Variants in MOSMO observed in about 807,000 individuals in gnomAD.
MOSMO encodes modulator of smoothened protein.
A neutral mutation model predicts 18.4 loss-of-function variants in MOSMO; 5 were observed. The ratio of observed to expected loss-of-function variants is 0.27; its 90% CI spans 0.14 to 0.57. The LOEUF is 0.57. MOSMO is among the 20% of genes least tolerant of loss of function. The pLI is 0.92. For missense variants in MOSMO, 138 were observed against 211.8 expected, an observed-to-expected ratio of 0.65 and a Z score of 2.16; for synonymous variants, 82 against 82.3, an observed-to-expected ratio of 1.00 and a Z score of 0.02.
intron 1 of MOSMO, among the ~76,000 whole-genome samples, chr16:22,065,573 C>T (rs1430618309): frequency 6.6e-6 from 1 of 152,122 alleles, no homozygotes; most frequent in Non-Finnish European, 1.5e-5. Flanking sequence ...CATGAGTACA[C>T]TACTGTGTTA....
At position 22,008,342 on chromosome 16, in the gene MOSMO, C is replaced by T; in HGVS notation, c.41C>T (p.Ala14Val). The T allele has an allele frequency of 6.5e-7, 1 of 1,533,704 alleles. No individual in the cohort carries two copies. Among genetic ancestry groups the T allele is most frequent in the Non-Finnish European group, 8.7e-7 (1 of 1,145,952 alleles). ...ATCATCTCAGGATGTCTCTTTCTGG[C>T]CGCCGATATCTTCGCCATCGCCAGC... Reference protein sequence around the residue: ...LTIISGCLFLAADIFAIASIA... With the variant: ...LTIISGCLFLVADIFAIASIA... Residue 14 changes from alanine (A) to valine (V), a missense_variant, in exon 1 of 3, where the codon GCC (alanine) becomes GTC (valine). Transcript: ENST00000542527.
downstream of MOSMO, among the ~76,000 whole-genome samples, chr16:22,091,928 G>A (rs1337548049): frequency 6.6e-6 from 1 of 152,176 alleles, no homozygotes; most frequent in African/African-American, 2.4e-5. Flanking sequence ...TGGGGCCATT[G>A]TTAAAAAGTC....
At chr16:22,030,238 G>A (rs1328971678) in intron 1 of MOSMO, among the ~76,000 whole-genome samples, 1 of 152,096 alleles carries the variant, frequency 6.6e-6, no homozygotes, top group Non-Finnish European at 1.5e-5. Flanking sequence ...TCTGGGGTCT[G>A]ACTCTGCAGG....
chr16:22,064,745 T>C (rs1289085238), intron 1 of MOSMO, among the ~76,000 whole-genome samples: 1 of 152,200 alleles, frequency 6.6e-6, no homozygotes, highest in Non-Finnish European at 1.5e-5. Context: ...TTCTTTTTTT[T>C]TCCAAAGACA....
chr16:22,042,820 AT>A (rs1329089569), intron 1 of MOSMO, among the ~76,000 whole-genome samples: 1 of 152,220 alleles, frequency 6.6e-6, no homozygotes, highest in Admixed American at 6.5e-5. Flanking sequence ...CTGTGTTGTT[AT>A]TCTACTCTTA....
intron 1 of MOSMO, among the ~76,000 whole-genome samples, chr16:22,037,703 ATACT>A (rs781092640): frequency 6.6e-6 from 1 of 152,200 alleles, no homozygotes; most frequent in East Asian, 1.9e-4. Flanking sequence ...ACTCAGGGAA[ATACT>A]TACTTACCTT....
Position 22,008,267 on chromosome 16 carries a change from C to A in MOSMO, c.-35C>A. ...GGGAGGCGTGAGGCCGCTGCCTGTC[C>A]GGGGCTCGGGGGGTGGGGGGAGCGG... is the stretch of plus-strand genomic sequence containing the variant. On this transcript the variant is annotated 5_prime_UTR_variant, in exon 1 of 3. Coordinates refer to ENST00000542527, the MANE Select transcript of MOSMO (RefSeq NM_001164579.2). 7.9e-7 allele frequency: 1 copy of A among 1,273,860 alleles called. No individual in the cohort carries two copies. Among genetic ancestry groups the A allele is most frequent in the Non-Finnish European group, 1.0e-6 (1 of 993,434 alleles). 78.9% of individuals were successfully genotyped at this position (1,273,860 alleles called of 1,614,324 possible). A position where few individuals can be genotyped will look rare whatever the true frequency, so the allele number is the denominator to read the frequency against.
intron 2 of MOSMO, among the ~76,000 whole-genome samples, chr16:22,079,065 A>G (rs1567516066): frequency 1.3e-5 from 2 of 152,202 alleles, no homozygotes; most frequent in Non-Finnish European, 2.9e-5. Flanking sequence ...AAGCTGATGT[A>G]TTACTTAAGC....
chr16:22,080,556 T>C (rs1225990769), intron 2 of MOSMO, 140 bp from the exon 3 acceptor site: 2 of 528,372 alleles, frequency 3.8e-6, no homozygotes, highest in South Asian at 2.9e-5. Flanking sequence ...ACCTGAAATA[T>C]ATACACATTT....
chr16:22,057,677 T>C (rs572954932), intron 1 of MOSMO, among the ~76,000 whole-genome samples: 1 of 152,336 alleles, frequency 6.6e-6, no homozygotes, highest in African/African-American at 2.4e-5. Flanking sequence ...AGAGAACTTA[T>C]CTAGCAGTTA....
Position 22,044,602 on chromosome 16 carries a change from A to T in MOSMO, c.107-30885A>T, listed in dbSNP as rs555754582. Among the ~76,000 whole-genome samples the T allele has an allele frequency of 5.3e-5, 8 of 152,268 alleles. No individual in the cohort carries two copies. In the South Asian group the frequency reaches 1.7e-3, roughly 32 times the overall value. ...ATATTCTAAAATCTGAAAAATCCTGATATCTGAAACACTTCTGGTCCCAAT... is the reference window on the plus strand; with the variant it reads ...ATATTCTAAAATCTGAAAAATCCTGTTATCTGAAACACTTCTGGTCCCAAT... On this transcript the variant is annotated intron_variant, in intron 1 of 2. Transcript: ENST00000542527.
downstream of MOSMO, among the ~76,000 whole-genome samples, chr16:22,088,915 A>C (rs1306767780): frequency 6.6e-6 from 1 of 152,124 alleles, no homozygotes; most frequent in East Asian, 1.9e-4. Context: ...TGAGCAGCTA[A>C]ATCTATGGTT....
intron 1 of MOSMO, among the ~76,000 whole-genome samples, chr16:22,042,474 A>C (rs1046477797): frequency 6.6e-6 from 1 of 152,222 alleles, no homozygotes; most frequent in Non-Finnish European, 1.5e-5. Flanking sequence ...AAAGTATCTA[A>C]AAGTTACCTT....
At chr16:22,055,453 C>A (rs1198744770) in intron 1 of MOSMO, among the ~76,000 whole-genome samples, 1 of 152,176 alleles carries the variant, frequency 6.6e-6, no homozygotes, top group Non-Finnish European at 1.5e-5. Context: ...TTATGTTACA[C>A]CCTGACATTT....
At chr16:22,021,654 C>G (rs1218827848) in intron 1 of MOSMO, among the ~76,000 whole-genome samples, 1 of 151,904 alleles carries the variant, frequency 6.6e-6, no homozygotes, top group Non-Finnish European at 1.5e-5. Flanking sequence ...AAAAATTAAC[C>G]CGGCGTGATG....
chr16:22,029,014 G>A (rs565880840), intron 1 of MOSMO, among the ~76,000 whole-genome samples: 4 of 152,242 alleles, frequency 2.6e-5, no homozygotes, highest in East Asian at 3.9e-4. Context: ...TGGGATTATA[G>A]GCACCTGCCA....
chr16:22,087,935 C>T (rs999143975), downstream of MOSMO, among the ~76,000 whole-genome samples: 13 of 152,288 alleles, frequency 8.5e-5, no homozygotes, highest in African/African-American at 3.1e-4. Context: ...CCACAATCCA[C>T]CTTCCAGAGA....
intron 1 of MOSMO, among the ~76,000 whole-genome samples, chr16:22,062,624 A>G (rs1436061677): frequency 6.6e-6 from 1 of 151,986 alleles, no homozygotes; most frequent in Non-Finnish European, 1.5e-5. Flanking sequence ...CACCTGGCCT[A>G]TTTCCTTTTT....
chr16:22,091,912 A>C (rs1567520856), downstream of MOSMO, among the ~76,000 whole-genome samples: 1 of 152,176 alleles, frequency 6.6e-6, no homozygotes, highest in Non-Finnish European at 1.5e-5. Context: ...TTACATCATA[A>C]TCACCTGGGG....
Sources: allele counts gnomAD v4.1 joint callset (sites outside exome capture counted in the v4.1 genomes callset), GRCh38; gene constraint gnomAD v4.1.1; transcripts MANE v1.5; gene names NCBI Gene and HGNC (gene_info 2026-07-23, HGNC 2026-07-21).